Variants in WWTR1 observed in about 807,000 individuals in gnomAD.
WWTR1 encodes the protein WW domain containing transcription regulator 1.
WWTR1 carries 13 observed loss-of-function variants against 40.1 expected under a neutral mutation model. The ratio of observed to expected loss-of-function variants is 0.32; its 90% CI spans 0.21 to 0.52. WWTR1 has a LOEUF of 0.52. WWTR1 is among the 20% of genes least tolerant of loss of function. The pLI, the probability that WWTR1 is intolerant of heterozygous loss-of-function variation, is 0.97. For missense variants in WWTR1, 436 were observed against 523.1 expected (o/e 0.83, Z 1.63); for synonymous variants, 230 against 210.1 (o/e 1.09, Z -0.82).
intron 1 of WWTR1, among the ~76,000 whole-genome samples, chr3:149,684,588 G>C (rs1216214871): frequency 6.7e-6 from 1 of 148,892 alleles, no homozygotes; most frequent in African/African-American, 2.5e-5. Context: ...TTTTGAGACA[G>C]TGTCTCACTC....
rs3044118 is a variant in WWTR1 at position 149,557,061 on chromosome 3, C to CTTTTTTTTTT, written c.569-14534_569-14525dup. Among the ~76,000 whole-genome samples, 405 of 64,366 alleles carry CTTTTTTTTTT rather than the reference C, an allele frequency of 6.3e-3. 76 individuals are homozygous for CTTTTTTTTTT. Among genetic ancestry groups the CTTTTTTTTTT allele is most frequent in the East Asian group, 8.0e-3 (11 of 1,370 alleles). The allele number at this position is 64,366 out of a possible 152,430, so 42.2% of individuals were successfully genotyped here. A position where few individuals can be genotyped will look rare whatever the true frequency, so the allele number is the denominator to read the frequency against. Reference sequence around the variant, plus strand: ...TCCTAGTGTTCCCTACTGGAATCTTCTTTTTTTTTTTTTTTTTTTTTTTTT... The same window carrying CTTTTTTTTTT: ...TCCTAGTGTTCCCTACTGGAATCTTCTTTTTTTTTTTTTTTTTTTTTTTTTTTTTTTTTTT... On this transcript the variant is annotated intron_variant, in intron 3 of 6. Coordinates refer to ENST00000360632, the MANE Select transcript of WWTR1 (RefSeq NM_015472.6).
chr3:149,554,211 T>C (rs1736727860), intron 3 of WWTR1, among the ~76,000 whole-genome samples: 1 of 152,202 alleles, frequency 6.6e-6, no homozygotes, highest in Non-Finnish European at 1.5e-5. Context: ...GCCGGCTCAG[T>C]TGATAAGGCA....
At chr3:149,678,852 C>T (rs57327198) in intron 1 of WWTR1, among the ~76,000 whole-genome samples, 6,428 of 136,620 alleles carry the variant, frequency 0.047, 291 homozygotes, top group East Asian at 0.15. Context: ...GATGGAGTTT[C>T]GCTCTTGTTG....
chr3:149,650,149 A>T (rs1169124180), intron 2 of WWTR1: 1 of 152,138 alleles, frequency 6.6e-6, no homozygotes, highest in African/African-American at 2.4e-5. Flanking sequence ...TCTCTATCTC[A>T]CCATCAATGA....
chr3:149,680,326 C>G (rs1166335126), intron 1 of WWTR1, among the ~76,000 whole-genome samples: 1 of 152,110 alleles, frequency 6.6e-6, no homozygotes, highest in Non-Finnish European at 1.5e-5. Context: ...GGCAGATCAC[C>G]TGAGGTCAGG....
intron 3 of WWTR1, among the ~76,000 whole-genome samples, chr3:149,543,842 GA>G (rs1736249887): frequency 6.7e-6 from 1 of 150,280 alleles, no homozygotes; most frequent in Non-Finnish European, 1.5e-5. Context: ...TCATTTCTGA[GA>G]AAAAAATTCT....
chr3:149,550,728 A>T (rs1262329972), intron 3 of WWTR1, among the ~76,000 whole-genome samples: 2,346 of 113,462 alleles, frequency 0.021, 240 homozygotes, highest in African/African-American at 0.031. Context: ...AAACAAAGCA[A>T]AACAAAATAC....
chr3:149,715,777 A>C (rs919915239), intron 5 of WWTR1, among the ~76,000 whole-genome samples: 1 of 152,254 alleles, frequency 6.6e-6, no homozygotes, highest in Non-Finnish European at 1.5e-5. Flanking sequence ...ACATGTGGAT[A>C]AAGTGCTCTG....
chr3:149,602,956 G>C (rs141952897), intron 2 of WWTR1, among the ~76,000 whole-genome samples: 6 of 151,716 alleles, frequency 4.0e-5, no homozygotes, highest in Admixed American at 3.9e-4. Flanking sequence ...CACTGTGCCC[G>C]GCCAGAAAAG....
At chr3:149,694,288 G>A (rs1381778768) in intron 1 of WWTR1, among the ~76,000 whole-genome samples, 1 of 152,302 alleles carries the variant, frequency 6.6e-6, no homozygotes, top group East Asian at 1.9e-4. Context: ...CAGCTACTCA[G>A]GAGGCTGAGG....
At chr3:149,621,273 G>A (rs1172563488) in intron 2 of WWTR1, among the ~76,000 whole-genome samples, 1 of 152,062 alleles carries the variant, frequency 6.6e-6, no homozygotes, top group Non-Finnish European at 1.5e-5. Context: ...TTTGCTGTCT[G>A]CTTTTAAAAA....
chr3:149,704,317 A>T (rs1049718641), upstream of WWTR1, among the ~76,000 whole-genome samples: 1 of 152,232 alleles, frequency 6.6e-6, no homozygotes, highest in African/African-American at 2.4e-5. Context: ...ATATCACGTA[A>T]CAAACTAAGA....
At chr3:149,598,037 A>G (rs1305123061) in intron 2 of WWTR1, among the ~76,000 whole-genome samples, 1 of 152,124 alleles carries the variant, frequency 6.6e-6, no homozygotes, top group Non-Finnish European at 1.5e-5. Context: ...CCTGCAGGTG[A>G]GTGTTGTTGG....
chr3:149,602,042 C>G (rs965707363), intron 2 of WWTR1, among the ~76,000 whole-genome samples: 3 of 152,184 alleles, frequency 2.0e-5, no homozygotes, highest in Non-Finnish European at 2.9e-5. Context: ...TGGACTACAT[C>G]TAATTTTCAC....
intron 2 of WWTR1, among the ~76,000 whole-genome samples, chr3:149,630,608 T>C (rs1441925458): frequency 2.0e-5 from 3 of 152,198 alleles, no homozygotes; most frequent in Non-Finnish European, 4.4e-5. Context: ...AGTCACCTGC[T>C]TAAGCCCTTT....
intron 1 of WWTR1, among the ~76,000 whole-genome samples, chr3:149,693,040 T>G (rs1714873955): frequency 6.6e-6 from 1 of 152,190 alleles, no homozygotes; most frequent in Non-Finnish European, 1.5e-5. Context: ...AGAAGTCAAA[T>G]TATCCTTGTT....
At chr3:149,687,566 A>T (rs1227960318) in intron 1 of WWTR1, among the ~76,000 whole-genome samples, 1 of 152,212 alleles carries the variant, frequency 6.6e-6, no homozygotes, top group Non-Finnish European at 1.5e-5. Context: ...TCATATGAGA[A>T]AGGTACTATT....
chr3:149,666,878 C>T (rs1713844694), intron 2 of WWTR1, among the ~76,000 whole-genome samples: 1 of 152,116 alleles, frequency 6.6e-6, no homozygotes, highest in South Asian at 2.1e-4. Flanking sequence ...TTGTCTTTTC[C>T]TTTAAAGAGA....
intron 5 of WWTR1, among the ~76,000 whole-genome samples, chr3:149,709,046 A>G (rs7626691): frequency 0.97 from 147,800 of 152,206 alleles, 71,786 homozygotes; most frequent in East Asian, 1. Context: ...TCGCTCTGCC[A>G]CCCACTGCAA....
Sources: allele counts gnomAD v4.1 joint callset (sites outside exome capture counted in the v4.1 genomes callset), GRCh38; gene constraint gnomAD v4.1.1; transcripts MANE v1.5; gene names NCBI Gene and HGNC (gene_info 2026-07-23, HGNC 2026-07-21).